SERPINA12: variants seen among roughly 807,000 people sequenced by gnomAD.
SERPINA12 encodes the protein serpin family A member 12.
SERPINA12 carries 21 observed loss-of-function variants against 25.9 expected under a neutral mutation model. The observed-to-expected ratio is 0.81, with a 90% CI of 0.58 to 1.17. SERPINA12 has a LOEUF of 1.17. SERPINA12 is among the 50% of genes most tolerant of loss of function. The pLI is 0.00. For missense variants in SERPINA12, 562 were observed against 508.3 expected (o/e 1.11, Z -1.02); for synonymous variants, 220 against 196.0 (o/e 1.12, Z -1.02).
At chr14:94,505,403 C>T (rs1002657292) in intron 1 of SERPINA12, among the ~76,000 whole-genome samples, 1 of 152,234 alleles carries the variant, frequency 6.6e-6, no homozygotes, top group Non-Finnish European at 1.5e-5. Context: ...GAGCCACCAC[C>T]TTCCCTCGCC....
chr14:94,513,044 G>A (rs527976831), upstream of SERPINA12, among the ~76,000 whole-genome samples: 5 of 152,204 alleles, frequency 3.3e-5, no homozygotes, highest in African/African-American at 2.4e-5. Context: ...GAGTGATACC[G>A]AGGGTAGCTC....
chr14:94,502,810 C>T (rs905277289), intron 1 of SERPINA12, among the ~76,000 whole-genome samples: 2 of 152,242 alleles, frequency 1.3e-5, no homozygotes, highest in African/African-American at 2.4e-5. Flanking sequence ...CAGTGTGTTG[C>T]CTCCTCATCG....
At chr14:94,488,462 C>G (rs1398282103) in intron 4 of SERPINA12, among the ~76,000 whole-genome samples, 2 of 151,852 alleles carry the variant, frequency 1.3e-5, no homozygotes, top group East Asian at 3.9e-4. Context: ...TGAAATCTTT[C>G]CCCTCCTTCA....
intron 4 of SERPINA12, 56 bp downstream of exon 4, chr14:94,489,564 G>T (rs995972428): frequency 1.9e-6 from 3 of 1,583,382 alleles, no homozygotes; most frequent in Non-Finnish European, 1.7e-6. Flanking sequence ...CTCTGGCCCC[G>T]GCTGGGGGAA....
Position 94,497,975 on chromosome 14 carries a change from G to A in SERPINA12, c.423C>T (p.Asp141=), listed in dbSNP as rs753459384. 5.6e-6 allele frequency: 9 copies of A among 1,614,026 alleles called. 2 individuals carry two copies. In the Middle Eastern group the frequency reaches 4.9e-4, roughly 88 times the overall value. Residue 141 remains aspartate (D), a synonymous_variant, in exon 2 of 5, where the codon GAC becomes GAT. Coordinates refer to ENST00000677451, the MANE Select transcript of SERPINA12 (RefSeq NM_001382267.1). The part of the protein sequence containing the change: ...KLSIGNTLFI[D]QRLQPQRKFL... ...ACTTACGCTGTGGCTGCAGCCTCTGGTCAATGAACAGCGTGTTCCCAATGC... is the reference window on the plus strand; with the variant it reads ...ACTTACGCTGTGGCTGCAGCCTCTGATCAATGAACAGCGTGTTCCCAATGC...
intron 1 of SERPINA12, among the ~76,000 whole-genome samples, chr14:94,517,164 A>G (rs1420069487): frequency 2.0e-5 from 3 of 151,898 alleles, no homozygotes; most frequent in Admixed American, 2.0e-4. Context: ...TCCTCACTCT[A>G]TCACAGGCAT....
intron 2 of SERPINA12, among the ~76,000 whole-genome samples, chr14:94,515,140 T>C (rs1425597940): frequency 2.0e-5 from 3 of 152,310 alleles, no homozygotes; most frequent in Admixed American, 6.5e-5. Flanking sequence ...AATGTTGGCC[T>C]GAAGGTGACA....
chr14:94,498,781 T>A (rs958312637), intron 1 of SERPINA12, among the ~76,000 whole-genome samples: 1 of 152,208 alleles, frequency 6.6e-6, no homozygotes, highest in Non-Finnish European at 1.5e-5. Context: ...ATCATAATAC[T>A]TCATTCCTTT....
chr14:94,515,334 A>C (rs918378638), intron 2 of SERPINA12, among the ~76,000 whole-genome samples: 4 of 152,160 alleles, frequency 2.6e-5, no homozygotes, highest in African/African-American at 9.7e-5. Context: ...TTCCTGGAGA[A>C]GGTGGCCATA....
Position 94,489,776 on chromosome 14 carries a change from T to A in SERPINA12, c.906-9A>T, listed in dbSNP as rs749528245. 4.3e-6 allele frequency: 7 copies of A among 1,613,322 alleles called. No individual in the cohort carries two copies. The highest frequency in any genetic ancestry group is 1.1e-5 in the South Asian group (1 of 90,990). On this transcript the variant is annotated splice_polypyrimidine_tract_variant and intron_variant, in intron 3 of 4. Coordinates refer to ENST00000677451, the MANE Select transcript of SERPINA12 (RefSeq NM_001382267.1). ...CAGACACGTCTACGACCCTGGGGAA[T>A]TGACACGACAAGGGTGAGTGGTCAA...
intron 1 of SERPINA12, chr14:94,503,205 G>A: frequency 1.0e-6 from 1 of 984,596 alleles, no homozygotes; most frequent in Non-Finnish European, 1.2e-6. Context: ...GTGGTGGTAA[G>A]ACATATCTTC....
At chr14:94,488,312 G>T (rs1001955450) in intron 4 of SERPINA12, among the ~76,000 whole-genome samples, 3 of 151,954 alleles carry the variant, frequency 2.0e-5, no homozygotes, top group Admixed American at 6.6e-5. Context: ...TGGCAAGCTG[G>T]ATCCTTCCCA....
intron 3 of SERPINA12, among the ~76,000 whole-genome samples, chr14:94,491,238 G>T (rs1225849681): frequency 6.6e-6 from 1 of 152,216 alleles, no homozygotes; most frequent in Non-Finnish European, 1.5e-5. Context: ...TACCACTTAA[G>T]CCTACATACA....
intron 2 of SERPINA12, among the ~76,000 whole-genome samples, chr14:94,514,729 G>A (rs1474212064): frequency 2.0e-5 from 3 of 152,198 alleles, no homozygotes; most frequent in African/African-American, 7.2e-5. Flanking sequence ...CAGGGCCAGG[G>A]AATTCTGAGG....
At chr14:94,511,765 G>T (rs892844453), upstream of SERPINA12, 2 of 962,550 alleles carry the variant, frequency 2.1e-6, no homozygotes, top group Non-Finnish European at 2.5e-6. Flanking sequence ...AGCCAGGTGT[G>T]GGGGAGAGAG....
At chr14:94,491,206 A>T (rs535814031) in intron 3 of SERPINA12, among the ~76,000 whole-genome samples, 36 of 152,342 alleles carry the variant, frequency 2.4e-4, no homozygotes, top group African/African-American at 8.7e-4. Context: ...AAGACAGGTG[A>T]TAGAATCAAC....
At chr14:94,495,095 G>A (rs1296530436) in intron 3 of SERPINA12, among the ~76,000 whole-genome samples, 1 of 124,836 alleles carries the variant, frequency 8.0e-6, no homozygotes, top group Non-Finnish European at 1.6e-5. Flanking sequence ...TTGAGATGGA[G>A]TCTCGCTCTG....
rs1011181859 is a variant in SERPINA12 at position 94,494,560 on chromosome 14, C to A, written c.905+1813G>T. On this transcript the variant is annotated intron_variant, in intron 3 of 4. Transcript: ENST00000677451. ...CCCTCGAGATCTGCACAGCCTCACC[C>A]GCCCCTCCCACTGGGAACATCTTCT... Among the ~76,000 whole-genome samples, 2 of 152,166 alleles carry A rather than the reference C, an allele frequency of 1.3e-5. 1 individual carries two copies. The highest frequency in any genetic ancestry group is 4.1e-4 in the South Asian group (2 of 4,826).
intron 1 of SERPINA12, chr14:94,501,063 C>T (rs903701554): frequency 1.0e-6 from 1 of 985,274 alleles, no homozygotes; most frequent in Admixed American, 6.1e-5. Flanking sequence ...TGAACAAGGG[C>T]TCTATGGGCT....
Sources: gnomAD v4.1 joint callset for allele counts (sites outside exome capture counted in the v4.1 genomes callset) on GRCh38, gnomAD v4.1.1 for gene constraint, MANE v1.5 for transcripts, NCBI Gene and HGNC (gene_info 2026-07-23, HGNC 2026-07-21) for gene names.